FAT3: variants seen among roughly 807,000 people sequenced by gnomAD.
The protein encoded by FAT3 is protocadherin Fat 3.
FAT3 carries 95 observed loss-of-function variants against 310.2 expected under a neutral mutation model. That is an observed-to-expected ratio of 0.31 (90% CI 0.26 to 0.36). The LOEUF (loss-of-function observed/expected upper bound fraction) is 0.36. FAT3 is among the 10% of genes least tolerant of loss of function. FAT3 has a pLI of 1.00. For missense variants in FAT3, 5,408 were observed against 5,715.6 expected (o/e 0.95, Z 1.74); for synonymous variants, 2,314 against 2,192.9 (o/e 1.06, Z -1.54).
intron 3 of FAT3, among the ~76,000 whole-genome samples, chr11:92,623,320 A>C (rs1168516113): frequency 6.6e-6 from 1 of 152,044 alleles, no homozygotes; most frequent in Non-Finnish European, 1.5e-5. Context: ...TCCTCACACC[A>C]CTTGCTTTTC....
At chr11:92,702,914 A>G (rs1944146069) in intron 4 of FAT3, among the ~76,000 whole-genome samples, 1 of 152,258 alleles carries the variant, frequency 6.6e-6, no homozygotes, top group Admixed American at 6.5e-5. Flanking sequence ...GTGTAAAGAC[A>G]GTGGATGAGC....
rs1946595832 is a variant in FAT3, at chr11:92,776,294, A to G, written c.4335+2114A>G. 1.3e-5 allele frequency among the ~76,000 whole-genome samples: 2 copies of G among 152,242 alleles called. 1 individual carries two copies. Among genetic ancestry groups the G allele is most frequent in the South Asian group, 4.1e-4 (2 of 4,830 alleles). ...AGTAGATACATATTCAGCAGAGTCTATGCAGCAGATATGCTGGATCTCCAA... is the reference window on the plus strand; with the variant it reads ...AGTAGATACATATTCAGCAGAGTCTGTGCAGCAGATATGCTGGATCTCCAA... On this transcript the variant is annotated intron_variant, in intron 7 of 27. Transcript: ENST00000525166.
At chr11:92,279,413 T>A in intron 1 of FAT3, among the ~76,000 whole-genome samples, 1 of 152,162 alleles carries the variant, frequency 6.6e-6, no homozygotes. Flanking sequence ...TTCTGAATAA[T>A]TATTATAATT....
At chr11:92,506,679 A>C (rs1273544250) in intron 2 of FAT3, among the ~76,000 whole-genome samples, 1 of 152,148 alleles carries the variant, frequency 6.6e-6, no homozygotes, top group Non-Finnish European at 1.5e-5. Flanking sequence ...TCTGCTTCAC[A>C]TTATGAGCAG....
At chr11:92,734,297 T>C (rs1342578901) in intron 4 of FAT3, among the ~76,000 whole-genome samples, 4 of 152,194 alleles carry the variant, frequency 2.6e-5, no homozygotes, top group Non-Finnish European at 5.9e-5. Flanking sequence ...GAGAACCTAA[T>C]GTGTATCCAG....
At chr11:92,879,087 G>A (rs1008674167) in intron 22 of FAT3, among the ~76,000 whole-genome samples, 1 of 151,942 alleles carries the variant, frequency 6.6e-6, no homozygotes, top group African/African-American at 2.4e-5. Flanking sequence ...CAAACTCCAA[G>A]AGCCAAAATG....
intron 4 of FAT3, among the ~76,000 whole-genome samples, chr11:92,756,963 T>G (rs562352934): frequency 6.8e-6 from 1 of 147,752 alleles, no homozygotes; most frequent in Non-Finnish European, 1.5e-5. Context: ...TTGCTCTTGT[T>G]GCCCAGGCTG....
chr11:92,789,840 G>T, intron 7 of FAT3, 103 bp from the exon 8 acceptor site: 1 of 1,210,154 alleles, frequency 8.3e-7, no homozygotes, highest in Non-Finnish European at 1.2e-6. Context: ...TAGAAGCTAG[G>T]ATCCAAGGAC....
intron 17 of FAT3, 145 bp from the exon 18 acceptor site, chr11:92,840,417 A>C: frequency 1.5e-6 from 1 of 669,348 alleles, no homozygotes; most frequent in South Asian, 2.4e-5. Flanking sequence ...GTCACAGGGA[A>C]TCCCTTCTGC....
At chr11:92,248,187 G>A (rs1864999878) in intron 1 of FAT3, among the ~76,000 whole-genome samples, 1 of 151,962 alleles carries the variant, frequency 6.6e-6, no homozygotes, top group South Asian at 2.1e-4. Context: ...CCACAGAAAA[G>A]AGAGCTATGT....
chr11:92,648,627 A>G (rs1010582987), intron 3 of FAT3, among the ~76,000 whole-genome samples: 6 of 152,130 alleles, frequency 3.9e-5, no homozygotes, highest in African/African-American at 1.4e-4. Context: ...GCCTCTGCCC[A>G]ATCCTACTCC....
chr11:92,404,082 G>A (rs1366181975), intron 2 of FAT3, among the ~76,000 whole-genome samples: 2 of 151,806 alleles, frequency 1.3e-5, no homozygotes, highest in Non-Finnish European at 1.5e-5. Context: ...GGAGGGAAAA[G>A]TTGTATATCC....
At chr11:92,693,848 G>T (rs939542287) in intron 3 of FAT3, among the ~76,000 whole-genome samples, 15 of 152,226 alleles carry the variant, frequency 9.9e-5, no homozygotes, top group Admixed American at 9.8e-4. Flanking sequence ...ATGTTTCCAT[G>T]TTCCAGATTC....
At chr11:92,291,900 T>C (rs1028305578) in intron 1 of FAT3, among the ~76,000 whole-genome samples, 7 of 152,094 alleles carry the variant, frequency 4.6e-5, no homozygotes, top group African/African-American at 1.7e-4. Flanking sequence ...GGATTCAGCC[T>C]AGAAGAGAGA....
chr11:92,225,533 G>A (rs56137609), intron 1 of FAT3, among the ~76,000 whole-genome samples: 4,797 of 152,208 alleles, frequency 0.032, 119 homozygotes, highest in South Asian at 0.052. Context: ...CCCTGCAGGT[G>A]GATGAGAAGG....
intron 4 of FAT3, among the ~76,000 whole-genome samples, chr11:92,713,701 A>G (rs944462808): frequency 6.6e-6 from 1 of 152,110 alleles, no homozygotes; most frequent in Non-Finnish European, 1.5e-5. Context: ...TCAAATTTGC[A>G]TTTTTCAGAA....
At chr11:92,601,550 G>A (rs934598501) in intron 3 of FAT3, among the ~76,000 whole-genome samples, 6 of 152,064 alleles carry the variant, frequency 3.9e-5, no homozygotes, top group Non-Finnish European at 5.9e-5. Flanking sequence ...AGCCGAGGTC[G>A]CACACCACTG....
At chr11:92,513,585 C>G (rs1190607020) in intron 2 of FAT3, among the ~76,000 whole-genome samples, 2 of 151,976 alleles carry the variant, frequency 1.3e-5, no homozygotes, top group African/African-American at 4.8e-5. Context: ...GTGCAGGGAA[C>G]TCTCTATATA....
intron 2 of FAT3, among the ~76,000 whole-genome samples, chr11:92,379,399 A>T (rs1191329930): frequency 6.6e-6 from 1 of 152,176 alleles, no homozygotes; most frequent in Admixed American, 6.5e-5. Flanking sequence ...GTTACTTTTG[A>T]TGGAGTTATC....
Sources: allele counts gnomAD v4.1 joint callset (sites outside exome capture counted in the v4.1 genomes callset), GRCh38; gene constraint gnomAD v4.1.1; transcripts MANE v1.5; gene names NCBI Gene and HGNC (gene_info 2026-07-23, HGNC 2026-07-21).